Variants in ARHGAP28 observed in about 807,000 individuals in gnomAD.
ARHGAP28 encodes Rho GTPase activating protein 28.
In ARHGAP28, 56 loss-of-function variants were observed where a neutral mutation model predicts 90.7. That is an observed-to-expected ratio of 0.62 (90% CI 0.50 to 0.77). ARHGAP28 has a LOEUF of 0.77. Among genes scored for constraint, ARHGAP28 ranks in the 30% least tolerant of loss-of-function variants. ARHGAP28 has a pLI of 0.00. For synonymous variants in ARHGAP28, 308 were observed against 323.3 expected (o/e 0.95, Z 0.51); for missense variants, 869 against 900.9 (o/e 0.96, Z 0.45).
intron 1 of ARHGAP28, chr18:6,790,723 CAG>C (rs1452374223): frequency 6.6e-6 from 1 of 152,062 alleles, no homozygotes. Flanking sequence ...TTGATAAGAA[CAG>C]AGGGGTAAAG....
chr18:6,839,373 A>T (rs976755343), intron 3 of ARHGAP28, among the ~76,000 whole-genome samples: 1 of 148,892 alleles, frequency 6.7e-6, no homozygotes, highest in Non-Finnish European at 1.5e-5. Flanking sequence ...GGCTCACTGC[A>T]AGCTCCGCCT....
intron 1 of ARHGAP28, among the ~76,000 whole-genome samples, chr18:6,743,081 T>C (rs1203894984): frequency 6.6e-6 from 1 of 152,080 alleles, no homozygotes; most frequent in African/African-American, 2.4e-5. Flanking sequence ...AAAGTAGATA[T>C]GATTCCTTCT....
intron 1 of ARHGAP28, among the ~76,000 whole-genome samples, chr18:6,770,938 A>G (rs2056237814): frequency 6.6e-6 from 1 of 152,150 alleles, no homozygotes; most frequent in African/African-American, 2.4e-5. Flanking sequence ...CAAATCTGTA[A>G]CCTTCAGGTT....
intron 3 of ARHGAP28, among the ~76,000 whole-genome samples, chr18:6,838,958 T>C (rs1490642207): frequency 6.6e-6 from 1 of 152,226 alleles, no homozygotes; most frequent in Non-Finnish European, 1.5e-5. Flanking sequence ...GACATTTTTG[T>C]ATTTTTCATC....
In ARHGAP28 at chr18:6,864,746, A is replaced by G. The variant is rs78954987; in HGVS notation, c.727-3404A>G. 3.8e-3 allele frequency among the ~76,000 whole-genome samples: 580 copies of G among 152,230 alleles called. 14 individuals carry two copies. The highest frequency in any genetic ancestry group is 0.01 in the East Asian group (54 of 5,176). On this transcript the variant is annotated intron_variant, in intron 5 of 17. Coordinates refer to ENST00000383472, the MANE Select transcript of ARHGAP28 (RefSeq NM_001366230.1). Reference sequence around the variant, plus strand: ...GTCACCGAGGCTGGAGTGCAATGGCATGATCATGGCTCACTGCAGCCTTGA... The same window carrying G: ...GTCACCGAGGCTGGAGTGCAATGGCGTGATCATGGCTCACTGCAGCCTTGA...
At chr18:6,776,308 C>T (rs1196842038) in intron 1 of ARHGAP28, among the ~76,000 whole-genome samples, 1 of 152,144 alleles carries the variant, frequency 6.6e-6, no homozygotes, top group African/African-American at 2.4e-5. Flanking sequence ...GTTTCAAACC[C>T]CAGCGGTGGT....
chr18:6,823,380 G>A (rs1358762071), intron 1 of ARHGAP28, among the ~76,000 whole-genome samples: 2 of 151,952 alleles, frequency 1.3e-5, no homozygotes, highest in Non-Finnish European at 2.9e-5. Flanking sequence ...TGTTTCTTGT[G>A]TCTGAATTTC....
chr18:6,868,303 T>G, intron 6 of ARHGAP28, 69 bp downstream of exon 6: 2 of 1,374,630 alleles, frequency 1.5e-6, no homozygotes, highest in Non-Finnish European at 2.1e-6. Flanking sequence ...TCAATACAGT[T>G]AGCAGTGAAT....
At chr18:6,765,747 T>C (rs1046445615) in intron 1 of ARHGAP28, among the ~76,000 whole-genome samples, 28 of 152,256 alleles carry the variant, frequency 1.8e-4, no homozygotes, top group African/African-American at 6.0e-4. Context: ...ATATAACCAT[T>C]TATTGCTATA....
chr18:6,745,894 G>T (rs926905909), intron 1 of ARHGAP28, among the ~76,000 whole-genome samples: 2 of 152,150 alleles, frequency 1.3e-5, no homozygotes, highest in African/African-American at 2.4e-5. Context: ...GTTAAGAGGG[G>T]CTGGGCAAGG....
intron 1 of ARHGAP28, among the ~76,000 whole-genome samples, chr18:6,744,318 T>C (rs1434411359): frequency 6.6e-6 from 1 of 152,118 alleles, no homozygotes; most frequent in Non-Finnish European, 1.5e-5. Flanking sequence ...GTAGAGACCA[T>C]TTAATGTGCA....
At chr18:6,755,097 C>T (rs1567936381) in intron 1 of ARHGAP28, among the ~76,000 whole-genome samples, 1 of 152,108 alleles carries the variant, frequency 6.6e-6, no homozygotes, top group Non-Finnish European at 1.5e-5. Flanking sequence ...CACTTGAACC[C>T]AGGAGGCAGA....
chr18:6,860,045 C>G (rs1347446374), intron 5 of ARHGAP28, 148 bp downstream of exon 5: 1 of 675,350 alleles, frequency 1.5e-6, no homozygotes. Context: ...GCTGGTAGAA[C>G]TACTAACTTT....
At chr18:6,758,365 G>A (rs1028107172) in intron 1 of ARHGAP28, among the ~76,000 whole-genome samples, 34 of 151,706 alleles carry the variant, frequency 2.2e-4, no homozygotes, top group Admixed American at 6.6e-4. Flanking sequence ...AAACAAAGTC[G>A]CTCAGGCGAG....
intron 1 of ARHGAP28, among the ~76,000 whole-genome samples, chr18:6,761,077 AC>A (rs1290611297): frequency 6.6e-6 from 1 of 152,080 alleles, no homozygotes; most frequent in Non-Finnish European, 1.5e-5. Context: ...TATATATTAT[AC>A]GATTCCCTTT....
At chr18:6,736,533 A>G (rs572005667) in intron 1 of ARHGAP28, among the ~76,000 whole-genome samples, 2 of 151,930 alleles carry the variant, frequency 1.3e-5, no homozygotes, top group East Asian at 3.9e-4. Context: ...TGAGGTCGGG[A>G]GTTCGAGACC....
intron 1 of ARHGAP28, among the ~76,000 whole-genome samples, chr18:6,821,230 A>G (rs923405630): frequency 9.2e-5 from 14 of 152,216 alleles, no homozygotes; most frequent in Non-Finnish European, 1.6e-4. Context: ...AGTTATGGCT[A>G]AAAAGACAAT....
rs2143907399 is a variant in ARHGAP28 at position 6,914,796 on chromosome 18, A to G, written c.*2642A>G. On this transcript the variant is annotated 3_prime_UTR_variant, in exon 18 of 18. Transcript: ENST00000383472. The stretch of plus-strand genomic sequence containing the variant: ...GGGAACTAACATTTTAGGAATGCTT[A>G]TTCAGAAAAAAATCCTAGAGTTGAT... 6.6e-6 allele frequency: 1 copy of G among 152,588 alleles called. No homozygotes were observed. 9.5% of individuals were successfully genotyped at this position (152,588 alleles called of 1,614,324 possible). A position where few individuals can be genotyped will look rare whatever the true frequency, so the allele number is the denominator to read the frequency against.
intron 2 of ARHGAP28, among the ~76,000 whole-genome samples, chr18:6,826,523 T>A (rs2143785460): frequency 6.6e-6 from 1 of 151,760 alleles, no homozygotes; most frequent in African/African-American, 2.4e-5. Flanking sequence ...GAAGCTTATA[T>A]AATTTAATTT....
Sources: allele counts gnomAD v4.1 joint callset (sites outside exome capture counted in the v4.1 genomes callset), GRCh38; gene constraint gnomAD v4.1.1; transcripts MANE v1.5; gene names NCBI Gene and HGNC (gene_info 2026-07-23, HGNC 2026-07-21).